Variants in KIF6 observed in about 807,000 individuals in gnomAD.
KIF6 encodes the protein kinesin family member 6.
In KIF6, 106 loss-of-function variants were observed where a neutral mutation model predicts 112.7. The ratio of observed to expected loss-of-function variants is 0.94; its 90% CI spans 0.80 to 1.11. The LOEUF is 1.11. KIF6 is among the 50% of genes least tolerant of loss of function. The pLI is 0.00. For synonymous variants in KIF6, 339 were observed against 339.9 expected, an observed-to-expected ratio of 1.00 and a Z score of 0.03; for missense variants, 929 against 964.0, an observed-to-expected ratio of 0.96 and a Z score of 0.48.
At chr6:39,568,104 G>A (rs1363489218) in intron 10 of KIF6, among the ~76,000 whole-genome samples, 2 of 152,204 alleles carry the variant, frequency 1.3e-5, no homozygotes, top group African/African-American at 4.8e-5. Context: ...TCTGGGGCAG[G>A]CACAGTGCTG....
chr6:39,375,400 T>C (rs903433263), intron 16 of KIF6, among the ~76,000 whole-genome samples: 6 of 152,200 alleles, frequency 3.9e-5, no homozygotes, highest in African/African-American at 1.4e-4. Context: ...TTAATTAGCT[T>C]GATTTAAACA....
intron 13 of KIF6, among the ~76,000 whole-genome samples, chr6:39,433,945 G>C (rs1378749465): frequency 6.6e-6 from 1 of 152,040 alleles, no homozygotes; most frequent in Non-Finnish European, 1.5e-5. Flanking sequence ...CCCCATTTTG[G>C]GATCAGCTGC....
intron 3 of KIF6, among the ~76,000 whole-genome samples, chr6:39,685,284 C>T (rs1240429331): frequency 6.6e-6 from 1 of 152,142 alleles, no homozygotes; most frequent in East Asian, 1.9e-4. Context: ...AAATGGAGGA[C>T]TGGCCTTTGG....
At chr6:39,549,573 C>T (rs1779257922) in intron 10 of KIF6, among the ~76,000 whole-genome samples, 1 of 152,080 alleles carries the variant, frequency 6.6e-6, no homozygotes, top group Admixed American at 6.6e-5. Flanking sequence ...ATTTGAATAC[C>T]ATATTGGGTG....
In KIF6 at chr6:39,343,340, C is replaced by T. The variant is rs564822623; in HGVS notation, c.2428+369G>A. On this transcript the variant is annotated intron_variant, in intron 22 of 22. Transcript: ENST00000287152. This position sits in a 1 kb window ranked among gnomAD's most constrained non-coding sequence, Gnocchi z 4.1. ...GTGAGACTTTAAGCCAGGGGTTCAA[C>T]GAGTTACCAAAACATCACTCAGCCC... The T allele has an allele frequency of 1.8e-4, 236 of 1,301,206 alleles. 2 individuals are homozygous for T. In the Middle Eastern group the frequency reaches 5.5e-3, roughly 30 times the overall value. The allele number at this position is 1,301,206 out of a possible 1,614,324, so 80.6% of individuals were successfully genotyped here.
chr6:39,339,880 G>C (rs1483365442), intron 22 of KIF6, among the ~76,000 whole-genome samples: 1 of 152,190 alleles, frequency 6.6e-6, no homozygotes, highest in East Asian at 1.9e-4. Context: ...CCCTCTCTGG[G>C]CTCCTGCTCC....
intron 3 of KIF6, among the ~76,000 whole-genome samples, chr6:39,685,113 G>A (rs968208144): frequency 1.3e-5 from 2 of 152,226 alleles, no homozygotes; most frequent in East Asian, 3.8e-4. Flanking sequence ...TAGAAGGGAT[G>A]AGAGTAAATG....
chr6:39,401,605 T>C (rs1231553923), intron 15 of KIF6, among the ~76,000 whole-genome samples: 1 of 151,922 alleles, frequency 6.6e-6, no homozygotes. Context: ...CCAACAGTCA[T>C]TGATTGAGTC....
intron 3 of KIF6, among the ~76,000 whole-genome samples, chr6:39,685,299 G>A (rs1345395894): frequency 6.6e-6 from 1 of 151,752 alleles, no homozygotes; most frequent in African/African-American, 2.4e-5. Context: ...CTTTGGCAGA[G>A]ACAGTAGAGC....
chr6:39,360,274 T>A, intron 18 of KIF6, 121 bp downstream of exon 18: 1 of 1,092,464 alleles, frequency 9.2e-7, no homozygotes, highest in Non-Finnish European at 1.3e-6. Flanking sequence ...ACCTGCTTCA[T>A]GAGCAGGGGC....
At chr6:39,541,142 A>G (rs1221503634) in intron 12 of KIF6, among the ~76,000 whole-genome samples, 1 of 152,234 alleles carries the variant, frequency 6.6e-6, no homozygotes, top group Non-Finnish European at 1.5e-5. Flanking sequence ...TAAACTTTTC[A>G]GAGGAAGGGG....
At chr6:39,460,485 T>G (rs1357846016) in intron 13 of KIF6, among the ~76,000 whole-genome samples, 7 of 122,494 alleles carry the variant, frequency 5.7e-5, no homozygotes, top group African/African-American at 2.0e-4. Context: ...GTAACTAACC[T>G]GCACAATGTG....
chr6:39,615,229 C>G (rs1283222807), intron 5 of KIF6, among the ~76,000 whole-genome samples: 3 of 151,806 alleles, frequency 2.0e-5, no homozygotes, highest in African/African-American at 7.3e-5. Flanking sequence ...GAAGAGAGTT[C>G]TGCCTTTGTC....
chr6:39,687,426 G>A (rs1243975615), intron 3 of KIF6, among the ~76,000 whole-genome samples: 1 of 152,142 alleles, frequency 6.6e-6, no homozygotes, highest in Non-Finnish European at 1.5e-5. Flanking sequence ...CTTAGTTGTT[G>A]GCAAAGAATT....
chr6:39,498,776 G>T (rs755898650), intron 13 of KIF6, among the ~76,000 whole-genome samples: 13 of 152,102 alleles, frequency 8.5e-5, no homozygotes, highest in Non-Finnish European at 1.8e-4. Flanking sequence ...TAACTTTTTA[G>T]GTTCTAACAG....
At chr6:39,394,692 G>C (rs985933241) in intron 15 of KIF6, among the ~76,000 whole-genome samples, 1 of 152,206 alleles carries the variant, frequency 6.6e-6, no homozygotes, top group Non-Finnish European at 1.5e-5. Flanking sequence ...GGGAGGCCAG[G>C]AGTGGCCTAA....
chr6:39,673,088 G>A (rs302576), intron 3 of KIF6, among the ~76,000 whole-genome samples: 8,368 of 152,174 alleles, frequency 0.055, 754 homozygotes, highest in African/African-American at 0.19. Context: ...GCTGTCAGCC[G>A]CTGCTGCCTC....
At chr6:39,673,030 C>T (rs1786929072) in intron 3 of KIF6, among the ~76,000 whole-genome samples, 1 of 152,270 alleles carries the variant, frequency 6.6e-6, no homozygotes, top group East Asian at 1.9e-4. Flanking sequence ...GAATCATAGC[C>T]AAACCATGAC....
chr6:39,385,728 C>T, intron 15 of KIF6, 56 bp from the exon 16 acceptor site: 1 of 1,093,610 alleles, frequency 9.1e-7, no homozygotes. Flanking sequence ...TGGAGGAAGA[C>T]TGCCTCAGAA....
Sources: gnomAD v4.1 joint callset for allele counts (sites outside exome capture counted in the v4.1 genomes callset) on GRCh38, gnomAD v4.1.1 for gene constraint, Gnocchi (gnomAD v3.1) non-coding constraint, MANE v1.5 for transcripts, NCBI Gene and HGNC (gene_info 2026-07-23, HGNC 2026-07-21) for gene names.